The following MAGI1 variants were observed in gnomAD, a reference collection of about 807,000 sequenced individuals.
The protein encoded by MAGI1 is membrane associated guanylate kinase, WW and PDZ domain containing 1, also known as membrane-associated guanylate kinase, WW and PDZ domain-containing protein 1.
In MAGI1, 58 loss-of-function variants were observed where a neutral mutation model predicts 139.9. That is an observed-to-expected ratio of 0.41 (90% CI 0.34 to 0.52). The LOEUF is 0.52. MAGI1 is among the 20% of genes least tolerant of loss of function. The pLI, the probability that MAGI1 is intolerant of heterozygous loss-of-function variation, is 0.12. For synonymous variants in MAGI1, 812 were observed against 737.9 expected, an observed-to-expected ratio of 1.10 and a Z score of -1.63; for missense variants, 1,874 against 1,901.6, an observed-to-expected ratio of 0.99 and a Z score of 0.27.
intron 2 of MAGI1, among the ~76,000 whole-genome samples, chr3:65,525,138 A>C (rs1432797395): frequency 6.6e-6 from 1 of 151,968 alleles, no homozygotes; most frequent in Non-Finnish European, 1.5e-5. Context: ...ATCTCCCTAT[A>C]ATGCACCCAT....
chr3:65,398,286 G>C lies in MAGI1; in HGVS notation c.2199+3153C>G, dbSNP rs546494022. ...CCCAGCACATTGGGAGGCCAAGATA[G>C]GAGGAGCACTTGAGACCAGCCTGGG... On this transcript the variant is annotated intron_variant, in intron 13 of 22. Coordinates refer to ENST00000402939, the MANE Select transcript of MAGI1 (RefSeq NM_001033057.2). Among the ~76,000 whole-genome samples, 8 of 152,284 alleles carry C rather than the reference G, an allele frequency of 5.3e-5. No individual in the cohort carries two copies. The East Asian group carries it at 1.5e-3, about 29-fold the overall frequency.
At chr3:65,997,472 T>C (rs1464154513) in intron 1 of MAGI1, among the ~76,000 whole-genome samples, 2 of 151,916 alleles carry the variant, frequency 1.3e-5, no homozygotes, top group African/African-American at 2.4e-5. Flanking sequence ...CTGGCCAACA[T>C]GGTGAAACCC....
intron 3 of MAGI1, among the ~76,000 whole-genome samples, chr3:65,479,737 A>C (rs1951139281): frequency 1.3e-5 from 2 of 152,202 alleles, no homozygotes; most frequent in South Asian, 4.1e-4. Flanking sequence ...GGTAGTAATA[A>C]GAGTTTCCTT....
At chr3:65,699,274 T>C (rs1387089154) in intron 1 of MAGI1, among the ~76,000 whole-genome samples, 2 of 124,126 alleles carry the variant, frequency 1.6e-5, no homozygotes, top group African/African-American at 6.8e-5. Context: ...TTTACACTGT[T>C]GGTGGGACTG....
chr3:65,853,071 C>T (rs1407614196), intron 1 of MAGI1, among the ~76,000 whole-genome samples: 4 of 151,836 alleles, frequency 2.6e-5, no homozygotes, highest in Non-Finnish European at 1.5e-5. Context: ...ATCGCTTGAA[C>T]CCAGGAGGTG....
chr3:65,823,585 C>T (rs1038143293), intron 1 of MAGI1, among the ~76,000 whole-genome samples: 7 of 152,192 alleles, frequency 4.6e-5, no homozygotes, highest in Admixed American at 4.6e-4. Flanking sequence ...TTGTCAACAA[C>T]CTATCTTTAT....
chr3:66,010,366 T>C (rs2067264772), intron 1 of MAGI1, among the ~76,000 whole-genome samples: 1 of 152,172 alleles, frequency 6.6e-6, no homozygotes, highest in Non-Finnish European at 1.5e-5. Flanking sequence ...GGCAATAACT[T>C]GGGCAATTCA....
chr3:65,584,422 T>C (rs1198920324), intron 2 of MAGI1, among the ~76,000 whole-genome samples: 1 of 152,152 alleles, frequency 6.6e-6, no homozygotes, highest in African/African-American at 2.4e-5. Context: ...AAGACACAAC[T>C]GGCAGCAACC....
At chr3:65,786,011 ACTGCAACCTCTGCTCACTG>A (rs1195379841) in intron 1 of MAGI1, among the ~76,000 whole-genome samples, 2 of 150,578 alleles carry the variant, frequency 1.3e-5, no homozygotes, top group African/African-American at 2.4e-5. Context: ...ATCAGGGCTC[ACTGCAACCTCTGCTCACTG>A]CTGCAACCTC....
chr3:65,996,505 G>T (rs543040851), intron 1 of MAGI1, among the ~76,000 whole-genome samples: 1 of 132,590 alleles, frequency 7.5e-6, no homozygotes, highest in South Asian at 2.8e-4. Context: ...TCCATCATTG[G>T]AATATATTTA....
chr3:65,795,341 C>G (rs1381439211), intron 1 of MAGI1, among the ~76,000 whole-genome samples: 5 of 152,106 alleles, frequency 3.3e-5, no homozygotes, highest in African/African-American at 1.2e-4. Flanking sequence ...TACCATGTAA[C>G]ACTACTCAGC....
At chr3:65,799,796 T>C (rs1265818400) in intron 1 of MAGI1, among the ~76,000 whole-genome samples, 2 of 152,222 alleles carry the variant, frequency 1.3e-5, no homozygotes, top group Non-Finnish European at 2.9e-5. Flanking sequence ...TTTGGGCTGA[T>C]GTTTCCACAA....
At chr3:65,486,377 C>G (rs1416094791) in intron 3 of MAGI1, among the ~76,000 whole-genome samples, 2 of 152,116 alleles carry the variant, frequency 1.3e-5, no homozygotes, top group African/African-American at 4.8e-5. Flanking sequence ...TGTCTGGATC[C>G]CCACCCTCCA....
At chr3:65,699,869 A>C (rs940438107) in intron 1 of MAGI1, among the ~76,000 whole-genome samples, 1 of 151,640 alleles carries the variant, frequency 6.6e-6, no homozygotes, top group African/African-American at 2.4e-5. Flanking sequence ...CTAAAACTTA[A>C]AGTATAATAA....
intron 1 of MAGI1, among the ~76,000 whole-genome samples, chr3:65,689,700 G>A (rs2088404092): frequency 6.6e-6 from 1 of 152,180 alleles, no homozygotes; most frequent in African/African-American, 2.4e-5. Flanking sequence ...ACAGTGAAAT[G>A]TCAGGACCTG....
intron 1 of MAGI1, chr3:65,844,268 T>C: frequency 2.4e-6 from 1 of 415,476 alleles, no homozygotes; most frequent in South Asian, 1.9e-5. Context: ...TAAGATGTGC[T>C]ACAGGACTTG....
At chr3:65,769,163 T>C (rs774259268) in intron 1 of MAGI1, among the ~76,000 whole-genome samples, 2 of 152,246 alleles carry the variant, frequency 1.3e-5, no homozygotes, top group Non-Finnish European at 2.9e-5. Context: ...GTTGTCGATC[T>C]GTTTTTTTCT....
At chr3:65,722,202 T>G (rs2033113528) in intron 1 of MAGI1, among the ~76,000 whole-genome samples, 1 of 152,248 alleles carries the variant, frequency 6.6e-6, no homozygotes, top group Admixed American at 6.5e-5. Context: ...AAACTAAACT[T>G]AGTATGTCGT....
At chr3:65,740,762 A>G (rs2035194078) in intron 1 of MAGI1, among the ~76,000 whole-genome samples, 1 of 152,240 alleles carries the variant, frequency 6.6e-6, no homozygotes, top group South Asian at 2.1e-4. Flanking sequence ...TCAGGTCGTG[A>G]AAAAATACAT....
Sources: allele counts gnomAD v4.1 joint callset (sites outside exome capture counted in the v4.1 genomes callset), GRCh38; gene constraint gnomAD v4.1.1; transcripts MANE v1.5; gene names NCBI Gene and HGNC (gene_info 2026-07-23, HGNC 2026-07-21).